The following TRAPPC10 variants were observed in gnomAD, a reference collection of about 807,000 sequenced individuals.
TRAPPC10 encodes trafficking protein particle complex subunit 10, also known as TRAPP 130 kDa subunit.
In TRAPPC10, 23 loss-of-function variants were observed where a neutral mutation model predicts 125.5. The ratio of observed to expected loss-of-function variants is 0.18; its 90% CI spans 0.13 to 0.26. TRAPPC10 has a LOEUF of 0.26. Ranked by LOEUF, TRAPPC10 falls within the 10% of genes least tolerant of loss-of-function variation. The pLI is 1.00. For missense variants in TRAPPC10, 1,123 were observed against 1,308.4 expected, an observed-to-expected ratio of 0.86 and a Z score of 2.19; for synonymous variants, 509 against 518.0, an observed-to-expected ratio of 0.98 and a Z score of 0.24.
At chr21:44,079,493 G>T (rs2037527040) in intron 11 of TRAPPC10, 71 bp from the exon 12 acceptor site, 20 of 1,523,286 alleles carry the variant, frequency 1.3e-5, no homozygotes, top group Non-Finnish European at 1.8e-5. Flanking sequence ...GGCCAAAGCG[G>T]GAGAGATGGG....
chr21:44,071,013 T>A (rs141240244), intron 7 of TRAPPC10, among the ~76,000 whole-genome samples: 4 of 152,146 alleles, frequency 2.6e-5, no homozygotes, highest in African/African-American at 9.7e-5. Flanking sequence ...ATAAATAAAC[T>A]GTGGCCAACT....
At chr21:44,065,478 T>C (rs1601723569) in intron 7 of TRAPPC10, among the ~76,000 whole-genome samples, 1 of 152,224 alleles carries the variant, frequency 6.6e-6, no homozygotes, top group East Asian at 1.9e-4. Context: ...CTTTTAGTCA[T>C]AGCTATTGCA....
chr21:44,093,337 C>T (rs1207810833), intron 19 of TRAPPC10, among the ~76,000 whole-genome samples: 2 of 152,016 alleles, frequency 1.3e-5, no homozygotes, highest in African/African-American at 4.8e-5. Flanking sequence ...CACCTGGATT[C>T]CCAGCTACCC....
At chr21:44,038,753 A>G (rs570254933) in intron 3 of TRAPPC10, among the ~76,000 whole-genome samples, 72 of 152,156 alleles carry the variant, frequency 4.7e-4, no homozygotes, top group Middle Eastern at 3.4e-3. Flanking sequence ...CCTGAGGCAC[A>G]GAGGTAGTTG....
At position 44,082,989 on chromosome 21, in the gene TRAPPC10, C is replaced by T. The variant is rs78000952; in HGVS notation, c.1925C>T (p.Ala642Val). 4.5e-4 allele frequency: 727 copies of T among 1,613,902 alleles called. 1 individual carries two copies. Among genetic ancestry groups the T allele is most frequent in the East Asian group, 1.3e-3 (58 of 44,888 alleles). Residue 642 changes from alanine (A) to valine (V), a missense_variant, in exon 14 of 23, where the codon GCG becomes GTG. By Grantham distance (64) the Ala-to-Val change is moderately conservative (BLOSUM62 0). This residue lies in a region of TRAPPC10 where 840 missense variants were observed against 902.0 expected (regional missense o/e 0.93). Transcript: ENST00000291574. The surrounding 1 kb of genome is among the most constrained non-coding windows in gnomAD (Gnocchi z 4.4). ...SIEKNSYRKT[A>V]EWLTKHKTSN... is the part of the protein sequence containing the mutation. ...GAGAAAAACAGCTACCGGAAGACTGCGGAGTGGCTTACCAAGCACAAGACG... is the reference window on the plus strand; with the variant it reads ...GAGAAAAACAGCTACCGGAAGACTGTGGAGTGGCTTACCAAGCACAAGACG...
chr21:44,053,352 T>C (rs193138695), intron 4 of TRAPPC10, among the ~76,000 whole-genome samples: 1 of 152,372 alleles, frequency 6.6e-6, no homozygotes, highest in Admixed American at 6.5e-5. Flanking sequence ...ATGTGTTGTT[T>C]ATACTTGTTT....
intron 6 of TRAPPC10, among the ~76,000 whole-genome samples, chr21:44,061,312 T>C (rs889054159): frequency 6.6e-6 from 1 of 152,118 alleles, no homozygotes; most frequent in Non-Finnish European, 1.5e-5. Context: ...AATTTTTTTT[T>C]GTATTTTTAG....
Position 44,017,751 on chromosome 21 carries a change from T to C in TRAPPC10, c.67+5191T>C, listed in dbSNP as rs534375370. On this transcript the variant is annotated intron_variant, in intron 1 of 22. Coordinates refer to ENST00000291574, the MANE Select transcript of TRAPPC10 (RefSeq NM_003274.5). Reference sequence around the variant, plus strand: ...TTCTCCCTTTGGTTTTTTTTTTTTCTTCTTCTTTTTGGTGGTACTTGCTTT... The same window carrying C: ...TTCTCCCTTTGGTTTTTTTTTTTTCCTCTTCTTTTTGGTGGTACTTGCTTT... Among the ~76,000 whole-genome samples the C allele has an allele frequency of 7.9e-5, 12 of 151,940 alleles. No individual in the cohort carries two copies. In the East Asian group the frequency reaches 2.3e-3, roughly 29 times the overall value.
chr21:44,093,985 G>A lies in TRAPPC10; in HGVS notation c.2998-78G>A, dbSNP rs930566124. On this transcript the variant is annotated intron_variant, in intron 19 of 22. Transcript: ENST00000291574. Reference sequence around the variant, plus strand: ...GTCTGCTCAGCACCCTTCGCATGGCGTGTGTTTCGCTGCAGTGTCTGTGTC... The same window carrying A: ...GTCTGCTCAGCACCCTTCGCATGGCATGTGTTTCGCTGCAGTGTCTGTGTC... 1.4e-4 allele frequency: 202 copies of A among 1,453,680 alleles called. 1 individual carries two copies. The Admixed American group carries it at 3.6e-3, about 26-fold the overall frequency. The allele number at this position is 1,453,680 out of a possible 1,614,324, so 90.0% of individuals were successfully genotyped here.
At chr21:44,095,400 C>A (rs1362245610) in intron 20 of TRAPPC10, among the ~76,000 whole-genome samples, 1 of 151,906 alleles carries the variant, frequency 6.6e-6, no homozygotes, top group Non-Finnish European at 1.5e-5. Flanking sequence ...CATGCACCAC[C>A]ACGCCTGGCT....
chr21:44,071,546 T>C (rs2036868275), intron 7 of TRAPPC10, among the ~76,000 whole-genome samples: 2 of 152,168 alleles, frequency 1.3e-5, no homozygotes, highest in Admixed American at 6.5e-5. Flanking sequence ...CGGCCCCCTT[T>C]GGGGTGTTAC....
In TRAPPC10 at chr21:44,059,169, C is replaced by G; in HGVS notation, c.745C>G (p.Leu249Val). ...FEDALVQYDE[L>V]DALFSQYVVN... is the part of the protein sequence containing the mutation. ...GGACGCCCTGGTGCAGTACGACGAA[C>G]TGGACGCCCTCTTCTCTCAGTATGT... The change falls in exon 6 of 23, where the codon CTG (leucine) becomes GTG (valine). Residue 249 changes from leucine to valine, a missense_variant. Physicochemically the swap from Leu to Val is conservative, Grantham distance 32. Coordinates refer to ENST00000291574, the MANE Select transcript of TRAPPC10 (RefSeq NM_003274.5). This position sits in a 1 kb window ranked among gnomAD's most constrained non-coding sequence, Gnocchi z 4.4. 1.2e-6 allele frequency: 2 copies of G among 1,612,180 alleles called. No individual in the cohort carries two copies. The highest frequency in any genetic ancestry group is 1.7e-6 in the Non-Finnish European group (2 of 1,179,264).
At chr21:44,072,906 G>A (rs1393806320) in intron 7 of TRAPPC10, among the ~76,000 whole-genome samples, 2 of 152,214 alleles carry the variant, frequency 1.3e-5, no homozygotes, top group Non-Finnish European at 2.9e-5. Context: ...GGAACCAGGC[G>A]GGCCTGCAAG....
intron 1 of TRAPPC10, among the ~76,000 whole-genome samples, chr21:44,017,330 G>A (rs541137735): frequency 6.6e-6 from 1 of 152,290 alleles, no homozygotes; most frequent in East Asian, 1.9e-4. Flanking sequence ...CAGACCCTTA[G>A]CTGTGAAACG....
chr21:44,019,925 A>G (rs1221204328), intron 1 of TRAPPC10, among the ~76,000 whole-genome samples: 1 of 152,170 alleles, frequency 6.6e-6, no homozygotes, highest in African/African-American at 2.4e-5. Flanking sequence ...TGGGTTCTAG[A>G]TGTGGTTACA....
At position 44,086,842 on chromosome 21, in the gene TRAPPC10, T is replaced by C. The variant is rs2038168878; in HGVS notation, c.2421T>C (p.Thr807=). The change falls in exon 16 of 23, where the codon ACT becomes ACC. Residue 807 remains threonine (T), a synonymous_variant. Transcript: ENST00000291574. ...LAGIPQRVKF[T]VTTGHYTIKN... is the part of the protein sequence containing the mutation. ...GCATTCCTCAGAGAGTCAAGTTCAC[T>C]GTCACTACCGGCCATTATACGATAA... is the stretch of plus-strand genomic sequence containing the variant. 6.2e-7 allele frequency: 1 copy of C among 1,614,092 alleles called. No individual in the cohort carries two copies. The highest frequency in any genetic ancestry group is 1.7e-5 in the Admixed American group (1 of 60,004).
At chr21:44,080,878 T>A (rs564273224) in intron 13 of TRAPPC10, among the ~76,000 whole-genome samples, 75 of 148,662 alleles carry the variant, frequency 5.0e-4, no homozygotes, top group Admixed American at 1.3e-3. Flanking sequence ...TTTTTTTTTT[T>A]AAAATGTAAC....
intron 1 of TRAPPC10, among the ~76,000 whole-genome samples, chr21:44,028,322 C>T (rs2238705): frequency 0.34 from 52,349 of 152,128 alleles, 13,033 homozygotes; most frequent in African/African-American, 0.71. Flanking sequence ...CCCGCTTTCC[C>T]GGGGATTCTC....
intron 1 of TRAPPC10, among the ~76,000 whole-genome samples, chr21:44,017,131 T>C (rs1056647046): frequency 6.6e-6 from 1 of 152,240 alleles, no homozygotes; most frequent in Admixed American, 6.5e-5. Context: ...AAGGCAATGT[T>C]GAACCAAAGA....
Sources: allele counts gnomAD v4.1 joint callset (sites outside exome capture counted in the v4.1 genomes callset), GRCh38; gene constraint gnomAD v4.1.1; regional missense constraint gnomAD v4.1.1; non-coding constraint Gnocchi (gnomAD v3.1); transcripts MANE v1.5; gene names NCBI Gene and HGNC (gene_info 2026-07-23, HGNC 2026-07-21).